The following PLA2G4F variants were observed in gnomAD, a reference collection of about 807,000 sequenced individuals.
PLA2G4F encodes cytosolic phospholipase A2 zeta.
PLA2G4F carries 105 observed loss-of-function variants against 103.1 expected under a neutral mutation model. That is an observed-to-expected ratio of 1.02 (90% CI 0.87 to 1.20). PLA2G4F has a LOEUF of 1.20. PLA2G4F is among the 50% of genes most tolerant of loss of function. PLA2G4F has a pLI of 0.00. For missense variants in PLA2G4F, 1,155 were observed against 1,075.9 expected, an observed-to-expected ratio of 1.07 and a Z score of -1.03; for synonymous variants, 468 against 441.1, an observed-to-expected ratio of 1.06 and a Z score of -0.76.
chr15:42,142,775 G>A, intron 18 of PLA2G4F, 61 bp from the exon 19 acceptor site: 1 of 1,557,686 alleles, frequency 6.4e-7, no homozygotes, highest in Non-Finnish European at 8.8e-7. Context: ...CCGCCGCCCT[G>A]GACTCACACA....
At position 42,153,641 on chromosome 15, in the gene PLA2G4F, A is replaced by G. The variant is rs577924021; in HGVS notation, c.470T>C (p.Val157Ala). The change falls in exon 5 of 20, where the codon GTG becomes GCG. Residue 157 changes from valine to alanine, a missense_variant. Val to Ala is a moderately conservative substitution (Grantham distance 64, BLOSUM62 0). Transcript: ENST00000397272. ...LNHQDSQELQ[V>A]EFVLEKSQVP... Reference sequence around the variant, plus strand: ...TCACCTCTTCTCCAGAACAAATTCCACCTGCAGCTCTTGTGAATCCTACAT... The same window carrying G: ...TCACCTCTTCTCCAGAACAAATTCCGCCTGCAGCTCTTGTGAATCCTACAT... 3.1e-6 allele frequency: 5 copies of G among 1,614,086 alleles called. No homozygotes were observed. In the East Asian group the frequency reaches 8.9e-5, roughly 29 times the overall value.
rs145957347 is a variant in PLA2G4F at position 42,145,627 on chromosome 15, G to T, written c.1728C>A (p.Ala576=). The change falls in exon 16 of 20, where the codon GCC becomes GCA. Residue 576 remains alanine, a synonymous_variant. Coordinates refer to ENST00000397272, the MANE Select transcript of PLA2G4F (RefSeq NM_213600.4). ...ACTCCAGGAAGCTGAGGCCCGAGCC[G>T]GCGGTCTTTAGGAAGATCTCATCCA... ...TSLDEIFLKT[A]GSGLSFLEWY... 6.2e-7 allele frequency: 1 copy of T among 1,614,102 alleles called. No individual in the cohort carries two copies.
rs1595621650 is a variant in PLA2G4F at position 42,149,707 on chromosome 15, A to G, written c.1059+6T>C. 2.0e-5 allele frequency: 32 copies of G among 1,614,028 alleles called. No homozygotes were observed. In the East Asian group the frequency reaches 7.1e-4, roughly 36 times the overall value. On this transcript the variant is annotated splice_donor_region_variant and intron_variant, in intron 11 of 19. Coordinates refer to ENST00000397272, the MANE Select transcript of PLA2G4F (RefSeq NM_213600.4). ...TCTGGGGTCCAGCTCCTCCTCCATT[A>G]CGTACCTGGCCACTGTCCAGAGCCT...
intron 7 of PLA2G4F, 120 bp from the exon 8 acceptor site, chr15:42,150,897 TCTTATCGCCCGCTCTCTCTTG>T: frequency 6.8e-7 from 1 of 1,478,572 alleles, no homozygotes; most frequent in Non-Finnish European, 8.9e-7. Flanking sequence ...AAATGCCAGC[TCTTATCGCCCGCTCTCTCTTG>T]AGCACTGCTC....
Position 42,150,239 on chromosome 15 carries a change from G to T in PLA2G4F, c.886-98C>A, listed in dbSNP as rs551198952. The T allele has an allele frequency of 1.9e-6, 3 of 1,570,512 alleles. No homozygotes were observed. The East Asian group carries it at 6.9e-5, about 36-fold the overall frequency. Reference sequence around the variant, plus strand: ...CAGCCCTTGCTGCCCTGCGATCTCTGGCCCGATGTGGACATCATAACTGAC... The same window carrying T: ...CAGCCCTTGCTGCCCTGCGATCTCTTGCCCGATGTGGACATCATAACTGAC... On this transcript the variant is annotated intron_variant, in intron 9 of 19. Transcript: ENST00000397272.
In PLA2G4F at chr15:42,141,894, G is replaced by T; in HGVS notation, c.*90C>A. 2 of 1,330,758 alleles carry T rather than the reference G, an allele frequency of 1.5e-6. No homozygotes were observed. Among genetic ancestry groups the T allele is most frequent in the Non-Finnish European group, 1.0e-6 (1 of 956,622 alleles). 82.4% of individuals were successfully genotyped at this position (1,330,758 alleles called of 1,614,324 possible). A position where few individuals can be genotyped will look rare whatever the true frequency, so the allele number is the denominator to read the frequency against. On this transcript the variant is annotated 3_prime_UTR_variant, in exon 20 of 20. Transcript: ENST00000397272. ...CCTGGAGAGAAGGGAAGCAGATCCTGCACAGAGTCCCCATCGCTCCTCCCT... is the reference window on the plus strand; with the variant it reads ...CCTGGAGAGAAGGGAAGCAGATCCTTCACAGAGTCCCCATCGCTCCTCCCT...
At position 42,140,907 on chromosome 15, in the gene PLA2G4F, A is replaced by C; in HGVS notation, c.*1077T>G. Reference sequence around the variant, plus strand: ...GTGGCCAGATGGAGAGGGCCTGGCCAGAACGGGATCTCCTCTTCACGAATC... The same window carrying C: ...GTGGCCAGATGGAGAGGGCCTGGCCCGAACGGGATCTCCTCTTCACGAATC... On this transcript the variant is annotated 3_prime_UTR_variant, in exon 20 of 20. Coordinates refer to ENST00000397272, the MANE Select transcript of PLA2G4F (RefSeq NM_213600.4). The C allele has an allele frequency of 3.8e-6, 1 of 262,640 alleles. No homozygotes were observed. Among genetic ancestry groups the C allele is most frequent in the Non-Finnish European group, 7.7e-6 (1 of 130,694 alleles). 16.3% of individuals were successfully genotyped at this position (262,640 alleles called of 1,614,324 possible).
At chr15:42,154,493 G>C (rs371989485) in intron 2 of PLA2G4F, 35 bp from the exon 3 acceptor site, 60 of 1,518,508 alleles carry the variant, frequency 4.0e-5, no homozygotes, top group Non-Finnish European at 1.8e-5. Flanking sequence ...GGGGCCTCAA[G>C]CTCTCATTGC....
At position 42,145,565 on chromosome 15, in the gene PLA2G4F, C is replaced by T. The variant is rs1413614631; in HGVS notation, c.1780+10G>A. On this transcript the variant is annotated intron_variant, in intron 16 of 19. Coordinates refer to ENST00000397272, the MANE Select transcript of PLA2G4F (RefSeq NM_213600.4). ...GTGGTGTGGGAGGGGCTCGGGGTCG[C>T]TACCCTCACCTGTGATATTCACACT... 1.2e-6 allele frequency: 2 copies of T among 1,612,836 alleles called. No homozygotes were observed. The highest frequency in any genetic ancestry group is 1.7e-6 in the Non-Finnish European group (2 of 1,178,986).
At chr15:42,155,645 C>T in intron 1 of PLA2G4F, 56 bp from the exon 2 acceptor site, 3 of 1,532,920 alleles carry the variant, frequency 2.0e-6, no homozygotes, top group Non-Finnish European at 2.7e-6. Flanking sequence ...GGTCCCTCGC[C>T]CCATTGTTCC....
At position 42,144,625 on chromosome 15, in the gene PLA2G4F, C is replaced by T; in HGVS notation, c.1800G>A (p.Gln600=). The T allele has an allele frequency of 6.2e-7, 1 of 1,600,500 alleles. No homozygotes were observed. Among genetic ancestry groups the T allele is most frequent in the Non-Finnish European group, 8.5e-7 (1 of 1,172,744 alleles). The change falls in exon 17 of 20, where the codon CAG becomes CAA. Residue 600 remains glutamine, a synonymous_variant. Transcript: ENST00000397272. ...TTCGCAGCCTCGAGGGGTTGTGCAGCTGAGGCTTCTGGCAGTCGTCTAGAC... is the reference window on the plus strand; with the variant it reads ...TTCGCAGCCTCGAGGGGTTGTGCAGTTGAGGCTTCTGGCAGTCGTCTAGAC... The part of the protein sequence containing the change: ...VNITDDCQKP[Q]LHNPSRLRTR...
chr15:42,141,617 C>A lies in PLA2G4F; in HGVS notation c.*367G>T, dbSNP rs551203586. 9.0e-5 allele frequency: 43 copies of A among 476,952 alleles called. No homozygotes were observed. The highest frequency in any genetic ancestry group is 7.1e-4 in the African/African-American group (36 of 50,928). 29.5% of individuals were successfully genotyped at this position (476,952 alleles called of 1,614,324 possible). On this transcript the variant is annotated 3_prime_UTR_variant, in exon 20 of 20. Transcript: ENST00000397272. ...AGCTGGCTTCTCAGTGCCCTCAGCC[C>A]CTGTTCTGTGTGGGTCTGAGGACTT...
At chr15:42,150,864 C>G (rs545112360) in intron 7 of PLA2G4F, 87 bp from the exon 8 acceptor site, 1 of 1,517,120 alleles carries the variant, frequency 6.6e-7, no homozygotes, top group Admixed American at 2.1e-5. Context: ...CCAGCAGCAA[C>G]CCCTCCCTTC....
At position 42,154,089 on chromosome 15, in the gene PLA2G4F, C is replaced by T. The variant is rs752701060; in HGVS notation, c.450+3G>A. On this transcript the variant is annotated splice_donor_region_variant and intron_variant, in intron 4 of 19. Coordinates refer to ENST00000397272, the MANE Select transcript of PLA2G4F (RefSeq NM_213600.4). ...GGCTCTCCGCCAGCACTGGTGGGCT[C>T]ACCTGGTGGTTGAGTGGGAAGGTGT... The T allele has an allele frequency of 1.9e-5, 30 of 1,614,008 alleles. No individual in the cohort carries two copies. Among genetic ancestry groups the T allele is most frequent in the Admixed American group, 3.3e-5 (2 of 60,006 alleles).
At chr15:42,154,567 G>A (rs1595625487) in intron 2 of PLA2G4F, 109 bp from the exon 3 acceptor site, 5 of 1,279,368 alleles carry the variant, frequency 3.9e-6, no homozygotes, top group Admixed American at 3.0e-5. Flanking sequence ...AGGGGAAGCC[G>A]CCCACGTGGC....
intron 18 of PLA2G4F, 127 bp from the exon 19 acceptor site, chr15:42,142,841 T>C: frequency 1.0e-6 from 1 of 963,308 alleles, no homozygotes; most frequent in South Asian, 1.5e-5. Context: ...TTCAGGCAGG[T>C]GACAGCTCCT....
intron 4 of PLA2G4F, among the ~76,000 whole-genome samples, 182 bp from the exon 5 acceptor site, chr15:42,153,842 G>A (rs945104146): frequency 6.6e-6 from 1 of 152,258 alleles, no homozygotes; most frequent in African/African-American, 2.4e-5. Flanking sequence ...CAAAATATGT[G>A]TCAGGTGCTG....
intron 7 of PLA2G4F, 88 bp from the exon 8 acceptor site, chr15:42,150,865 C>A (rs558530597): frequency 1.3e-6 from 2 of 1,517,214 alleles, no homozygotes; most frequent in South Asian, 2.5e-5. Context: ...CAGCAGCAAC[C>A]CCTCCCTTCT....
chr15:42,146,142 C>T lies in PLA2G4F; in HGVS notation c.1519G>A (p.Gly507Arg), dbSNP rs1395963996. ...ACCCAGGCACCTGCAAAATCTTCCC[C>T]ACTCAAGTTGGTGCGGACGTTGACA... is the stretch of plus-strand genomic sequence containing the variant. ...TSVNVRTNLS[G>R]EDFAEWCEFT... The change falls in exon 14 of 20, where the codon GGG becomes AGG. Residue 507 changes from glycine (G) to arginine (R), a missense_variant. Gly to Arg is a moderately radical substitution (Grantham distance 125). Transcript: ENST00000397272. 1 of 1,614,166 alleles carries T rather than the reference C, an allele frequency of 6.2e-7. No individual in the cohort carries two copies.
Sources: allele counts gnomAD v4.1 joint callset (sites outside exome capture counted in the v4.1 genomes callset), GRCh38; gene constraint gnomAD v4.1.1; transcripts MANE v1.5; gene names NCBI Gene and HGNC (gene_info 2026-07-23, HGNC 2026-07-21).